The following PARP16 variants were observed in gnomAD, a reference collection of about 807,000 sequenced individuals.
PARP16 encodes the protein protein mono-ADP-ribosyltransferase PARP16.
In PARP16, 31 loss-of-function variants were observed where a neutral mutation model predicts 35.0. That is an observed-to-expected ratio of 0.88 (90% confidence interval 0.66 to 1.19). The LOEUF (loss-of-function observed/expected upper bound fraction) is 1.19. Among genes scored for constraint, PARP16 ranks in the 50% most tolerant of loss-of-function variants. PARP16 has a pLI of 0.00. For missense variants in PARP16, 424 were observed against 411.2 expected, an observed-to-expected ratio of 1.03 and a Z score of -0.27; for synonymous variants, 162 against 169.5, an observed-to-expected ratio of 0.96 and a Z score of 0.34.
downstream of PARP16, among the ~76,000 whole-genome samples, chr15:65,231,336 C>A (rs1361405938): frequency 6.6e-6 from 1 of 152,086 alleles, no homozygotes; most frequent in East Asian, 1.9e-4. Context: ...TATTTATTTA[C>A]GTATATCCTA....
chr15:65,232,438 T>C (rs1478491591), downstream of PARP16, among the ~76,000 whole-genome samples: 1 of 152,190 alleles, frequency 6.6e-6, no homozygotes, highest in East Asian at 1.9e-4. Context: ...CAACAAAAAC[T>C]GAAACACTAA....
chr15:65,265,813 T>C, intron 3 of PARP16, among the ~76,000 whole-genome samples: 1 of 152,256 alleles, frequency 6.6e-6, no homozygotes, highest in East Asian at 1.9e-4. Flanking sequence ...GTTGGCTACA[T>C]AGTGGGATCA....
downstream of PARP16, among the ~76,000 whole-genome samples, chr15:65,255,396 A>AT: frequency 6.6e-6 from 1 of 152,292 alleles, no homozygotes; most frequent in Non-Finnish European, 1.5e-5. Flanking sequence ...AAATATATTC[A>AT]TTTTTATATC....
intron 1 of PARP16, among the ~76,000 whole-genome samples, chr15:65,281,401 G>A (rs1329448419): frequency 1.3e-5 from 2 of 152,152 alleles, no homozygotes; most frequent in Non-Finnish European, 2.9e-5. Flanking sequence ...TGTAAAATCA[G>A]AGAGCTGGCC....
downstream of PARP16, among the ~76,000 whole-genome samples, chr15:65,255,038 G>A (rs535137470): frequency 5.9e-5 from 9 of 152,284 alleles, no homozygotes; most frequent in Non-Finnish European, 1.0e-4. Context: ...AGGACAGATG[G>A]GGTTGCTTTT....
intron 1 of PARP16, among the ~76,000 whole-genome samples, chr15:65,274,575 A>G (rs1271936082): frequency 1.2e-5 from 1 of 85,126 alleles, no homozygotes; most frequent in Non-Finnish European, 3.1e-5. Context: ...CCCTGTCTCG[A>G]ATAAAAAAAA....
intron 2 of PARP16, among the ~76,000 whole-genome samples, chr15:65,251,947 GT>G (rs758161941): frequency 3.3e-5 from 5 of 152,054 alleles, no homozygotes; most frequent in Non-Finnish European, 7.4e-5. Context: ...TGTATTTTTA[GT>G]AGAGACGGGG....
At position 65,258,652 on chromosome 15, in the gene PARP16, C is replaced by T. The variant is rs1186835044; in HGVS notation, c.*755G>A. 6.6e-6 allele frequency: 1 copy of T among 152,460 alleles called. No individual in the cohort carries two copies. The highest frequency in any genetic ancestry group is 1.5e-5 in the Non-Finnish European group (1 of 68,018). The allele number at this position is 152,460 out of a possible 1,614,324, so 9.4% of individuals were successfully genotyped here. A position where few individuals can be genotyped will look rare whatever the true frequency, so the allele number is the denominator to read the frequency against. ...CAGCAAAGACTAATTTGTTAAACAG[C>T]TATTAAAAAAAAATCAGAAAACAAA... On this transcript the variant is annotated 3_prime_UTR_variant, in exon 6 of 6. Transcript: ENST00000649807.
chr15:65,269,805 A>G (rs900613021), intron 2 of PARP16, among the ~76,000 whole-genome samples: 3 of 152,216 alleles, frequency 2.0e-5, no homozygotes, highest in East Asian at 3.8e-4. Context: ...GTCCACAATC[A>G]AAAGTCTAGG....
intron 1 of PARP16, among the ~76,000 whole-genome samples, chr15:65,273,881 A>AC (rs1258028073): frequency 4.0e-5 from 6 of 151,460 alleles, no homozygotes; most frequent in Non-Finnish European, 7.4e-5. Flanking sequence ...TGTTTCAAAA[A>AC]AAAAAAAAAC....
chr15:65,268,668 C>T (rs2089983944), intron 2 of PARP16, among the ~76,000 whole-genome samples: 2 of 152,332 alleles, frequency 1.3e-5, no homozygotes, highest in African/African-American at 2.4e-5. Context: ...TGGTCTTGAA[C>T]TCCAGCCTCA....
chr15:65,242,567 C>A (rs2089108299), intron 3 of PARP16, among the ~76,000 whole-genome samples: 2 of 151,964 alleles, frequency 1.3e-5, no homozygotes, highest in Non-Finnish European at 1.5e-5. Context: ...CAGATTTATC[C>A]CTGTTTTGGA....
At chr15:65,281,558 G>T (rs772392551) in intron 1 of PARP16, among the ~76,000 whole-genome samples, 1 of 152,078 alleles carries the variant, frequency 6.6e-6, no homozygotes, top group Non-Finnish European at 1.5e-5. Flanking sequence ...GGGCGTCATG[G>T]CATCTGCCTG....
chr15:65,270,943 T>C lies in PARP16; in HGVS notation c.304A>G (p.Lys102Glu). ...SKVLTIHSAGKAEFEKIQKLT... is the reference protein window; with the variant it reads ...SKVLTIHSAGEAEFEKIQKLT... The stretch of plus-strand genomic sequence containing the variant: ...ACGGACCAAAGTCTCACCTCTGCCT[T>C]CCCTGCACTGTGGATTGTCAGGACC... Residue 102 changes from lysine to glutamate, a missense_variant, in exon 2 of 6, where the codon AAG (lysine) becomes GAG (glutamate). Coordinates refer to ENST00000649807, the MANE Select transcript of PARP16 (RefSeq NM_001316943.2). The C allele has an allele frequency of 6.2e-7, 1 of 1,614,174 alleles. No homozygotes were observed.
At chr15:65,281,859 ATAAAG>A (rs2090431143) in intron 1 of PARP16, among the ~76,000 whole-genome samples, 1 of 152,238 alleles carries the variant, frequency 6.6e-6, no homozygotes, top group African/African-American at 2.4e-5. Flanking sequence ...TCACCAATCA[ATAAAG>A]TAATTTAAGG....
downstream of PARP16, among the ~76,000 whole-genome samples, chr15:65,253,133 C>CAA (rs548065703): frequency 1.5e-4 from 13 of 84,850 alleles, no homozygotes; most frequent in East Asian, 3.6e-4. Context: ...AACTCCGTCT[C>CAA]AAAAAAAAAA....
intron 3 of PARP16, among the ~76,000 whole-genome samples, chr15:65,243,622 C>A (rs572886406): frequency 2.8e-4 from 42 of 152,214 alleles, no homozygotes; most frequent in African/African-American, 9.4e-4. Flanking sequence ...GTATTCCCTC[C>A]TTTTCAATAT....
At chr15:65,282,250 T>C (rs1233205987) in intron 1 of PARP16, among the ~76,000 whole-genome samples, 1 of 152,190 alleles carries the variant, frequency 6.6e-6, no homozygotes, top group Non-Finnish European at 1.5e-5. Context: ...TGGACTCAAA[T>C]GACCCGCCCC....
rs1270054948 is a variant in PARP16 at position 65,263,294 on chromosome 15, G to A, written c.546C>T (p.Tyr182=). The A allele has an allele frequency of 6.2e-7, 1 of 1,601,348 alleles. No homozygotes were observed. The highest frequency in any genetic ancestry group is 8.5e-7 in the Non-Finnish European group (1 of 1,173,268). ...GGGCCAGGCTCAAGTCACTGGTGAG[G>A]TAGGTCCCCTCTCCGAACAAGGATG... The part of the protein sequence containing the change: ...NKTSLFGEGT[Y]LTSDLSLALI... The change falls in exon 4 of 6, where the codon TAC becomes TAT. Residue 182 remains tyrosine (Y), a synonymous_variant. Coordinates refer to ENST00000649807, the MANE Select transcript of PARP16 (RefSeq NM_001316943.2).
Sources: allele counts gnomAD v4.1 joint callset (sites outside exome capture counted in the v4.1 genomes callset), GRCh38; gene constraint gnomAD v4.1.1; transcripts MANE v1.5; gene names NCBI Gene and HGNC (gene_info 2026-07-23, HGNC 2026-07-21).